INTS4: variants seen among roughly 807,000 people sequenced by gnomAD.
INTS4 encodes the protein integrator complex subunit 4, also known as MSTP093.
Under a neutral mutation model 119.5 loss-of-function variants are expected in INTS4, and 70 were observed. The observed-to-expected ratio is 0.59, with a 90% CI of 0.48 to 0.71. INTS4 has a LOEUF of 0.71. Among genes scored for constraint, INTS4 ranks in the 30% least tolerant of loss-of-function variants. The probability of loss-of-function intolerance (pLI) is 0.00; values close to 1 mark genes in which losing one functional copy is unlikely to be tolerated. For synonymous variants in INTS4, 316 were observed against 419.6 expected (o/e 0.75, Z 3.02); for missense variants, 867 against 1,173.2 (o/e 0.74, Z 3.81).
At chr11:77,918,131 A>G (rs770122211) in intron 15 of INTS4, 3 of 702,072 alleles carry the variant, frequency 4.3e-6, no homozygotes, top group South Asian at 1.5e-5. Flanking sequence ...AGATGAAGAC[A>G]GAAGAAAGAA....
At chr11:77,956,300 A>C (rs546539038) in intron 7 of INTS4, among the ~76,000 whole-genome samples, 1 of 152,190 alleles carries the variant, frequency 6.6e-6, no homozygotes, top group East Asian at 1.9e-4. Flanking sequence ...AGTCCCAGCT[A>C]CTTGGGAGGC....
intron 10 of INTS4, among the ~76,000 whole-genome samples, chr11:77,937,174 C>A (rs59622740): frequency 2.6e-5 from 4 of 151,312 alleles, no homozygotes; most frequent in African/African-American, 9.7e-5. Context: ...CCCCGCCACA[C>A]CCCCCGAAAA....
intron 18 of INTS4, 121 bp from the exon 19 acceptor site, chr11:77,894,470 C>T (rs2136407987): frequency 1.8e-6 from 1 of 554,650 alleles, no homozygotes; most frequent in Middle Eastern, 3.4e-4. Flanking sequence ...TAAAAATGAT[C>T]TCTAAAAGTA....
chr11:77,963,788 A>G (rs1855358232), intron 4 of INTS4, among the ~76,000 whole-genome samples: 1 of 151,998 alleles, frequency 6.6e-6, no homozygotes, highest in South Asian at 2.1e-4. Flanking sequence ...AGCTCAAGAG[A>G]TACTCCCACC....
rs1054469306 is a variant in INTS4 at position 77,960,474 on chromosome 11, C to T, written c.658-83G>A. On this transcript the variant is annotated intron_variant, in intron 5 of 22. Transcript: ENST00000534064. ...TCTCCCCACAATCTCACATATTTTCCCCTATTGTATCAGGCTAACATGGTT... is the reference window on the plus strand; with the variant it reads ...TCTCCCCACAATCTCACATATTTTCTCCTATTGTATCAGGCTAACATGGTT... The T allele has an allele frequency of 1.6e-5, 17 of 1,067,266 alleles. No homozygotes were observed. In the East Asian group the frequency reaches 4.1e-4, roughly 25 times the overall value. The allele number at this position is 1,067,266 out of a possible 1,614,324, so 66.1% of individuals were successfully genotyped here. A position where few individuals can be genotyped will look rare whatever the true frequency, so the allele number is the denominator to read the frequency against.
chr11:77,982,658 T>C (rs1233541266), intron 2 of INTS4, among the ~76,000 whole-genome samples: 1 of 152,180 alleles, frequency 6.6e-6, no homozygotes, highest in African/African-American at 2.4e-5. Context: ...TGCTCTCTTG[T>C]TCACTGCCAT....
chr11:77,917,218 A>G (rs1322077324), intron 15 of INTS4, among the ~76,000 whole-genome samples: 1 of 152,212 alleles, frequency 6.6e-6, no homozygotes, highest in Non-Finnish European at 1.5e-5. Context: ...TCCACTAAAA[A>G]TTATTAATTG....
At chr11:77,976,140 T>TCA (rs1855942123) in intron 4 of INTS4, among the ~76,000 whole-genome samples, 1 of 152,150 alleles carries the variant, frequency 6.6e-6, no homozygotes, top group East Asian at 1.9e-4. Context: ...AAATGAAGTA[T>TCA]CATTTTCCAC....
chr11:77,958,862 T>C (rs1378730548), intron 6 of INTS4, 28 bp from the exon 7 acceptor site: 3 of 1,346,704 alleles, frequency 2.2e-6, no homozygotes, highest in Middle Eastern at 2.5e-4. Flanking sequence ...AAAAGTCTAT[T>C]AGTTCTGTGT....
chr11:77,953,229 G>C (rs1198225351), intron 8 of INTS4, among the ~76,000 whole-genome samples: 1 of 152,200 alleles, frequency 6.6e-6, no homozygotes, highest in Non-Finnish European at 1.5e-5. Flanking sequence ...CTCACCAAGA[G>C]TGGCAGGGCT....
intron 10 of INTS4, among the ~76,000 whole-genome samples, chr11:77,928,876 C>T (rs888935987): frequency 4.6e-5 from 7 of 151,804 alleles, no homozygotes; most frequent in African/African-American, 1.5e-4. Context: ...AACAAATTAG[C>T]CAAGTGTGGT....
rs922105077 is a variant in INTS4, at chr11:77,889,190, G to A, written c.2592+2129C>T. 1.6e-4 allele frequency among the ~76,000 whole-genome samples: 24 copies of A among 152,244 alleles called. 1 individual carries two copies. Among genetic ancestry groups the A allele is most frequent in the African/African-American group, 5.1e-4 (21 of 41,518 alleles). ...GGAACCAACCCAAATGTCCAACAAC[G>A]ATAGACTGGATTAAGAAAATGTGGC... On this transcript the variant is annotated intron_variant, in intron 21 of 22. Coordinates refer to ENST00000534064, the MANE Select transcript of INTS4 (RefSeq NM_033547.4).
intron 15 of INTS4, chr11:77,911,104 C>A: frequency 7.8e-7 from 1 of 1,275,976 alleles, no homozygotes; most frequent in Non-Finnish European, 1.0e-6. Context: ...GGTAACGTTA[C>A]GATAGTTAAC....
intron 17 of INTS4, among the ~76,000 whole-genome samples, chr11:77,903,244 T>G (rs1952832999): frequency 6.6e-6 from 1 of 152,250 alleles, no homozygotes; most frequent in Non-Finnish European, 1.5e-5. Flanking sequence ...TGTCATAGCC[T>G]GAAATTAGGG....
In INTS4 at chr11:77,931,270, T is replaced by A. The variant is rs563275122; in HGVS notation, c.1166-2723A>T. Among the ~76,000 whole-genome samples the A allele has an allele frequency of 5.9e-5, 9 of 152,236 alleles. No individual in the cohort carries two copies. In the East Asian group the frequency reaches 1.4e-3, roughly 23 times the overall value. On this transcript the variant is annotated intron_variant, in intron 10 of 22. Transcript: ENST00000534064. Reference sequence around the variant, plus strand: ...TCCCAAAAAGGAGGGAGAAGATGGATAAATTAGAAGACTAGAAGTATGTGA... The same window carrying A: ...TCCCAAAAAGGAGGGAGAAGATGGAAAAATTAGAAGACTAGAAGTATGTGA...
At chr11:77,960,484 T>A (rs1591111089) in intron 5 of INTS4, 93 bp from the exon 6 acceptor site, 1 of 996,702 alleles carries the variant, frequency 1.0e-6, no homozygotes, top group East Asian at 2.4e-5. Context: ...CCCTATTGTA[T>A]CAGGCTAACA....
intron 2 of INTS4, among the ~76,000 whole-genome samples, chr11:77,988,298 G>A (rs1203744398): frequency 2.0e-5 from 3 of 152,180 alleles, no homozygotes; most frequent in Non-Finnish European, 4.4e-5. Flanking sequence ...ACCGTCCAGT[G>A]CCCAGAACAA....
chr11:77,932,549 C>T lies in INTS4; in HGVS notation c.1166-4002G>A, dbSNP rs1192673953. The stretch of plus-strand genomic sequence containing the variant: ...TCAGCCATTGTGGAAGACAGTGTAA[C>T]GATTCCTCAAGGATCTAGAACCAGA... On this transcript the variant is annotated intron_variant, in intron 10 of 22. Transcript: ENST00000534064. 4.6e-5 allele frequency among the ~76,000 whole-genome samples: 7 copies of T among 152,294 alleles called. No individual in the cohort carries two copies. In the East Asian group the frequency reaches 7.7e-4, roughly 17 times the overall value.
At chr11:77,972,380 T>G (rs981572680) in intron 4 of INTS4, among the ~76,000 whole-genome samples, 1 of 151,784 alleles carries the variant, frequency 6.6e-6, no homozygotes, top group Non-Finnish European at 1.5e-5. Context: ...ATTACAGGCA[T>G]GAGCCACCAC....
Sources: allele counts gnomAD v4.1 joint callset (sites outside exome capture counted in the v4.1 genomes callset), GRCh38; gene constraint gnomAD v4.1.1; transcripts MANE v1.5; gene names NCBI Gene and HGNC (gene_info 2026-07-23, HGNC 2026-07-21).